The following TRABD2B variants were observed in gnomAD, a reference collection of about 807,000 sequenced individuals.
TRABD2B encodes TraB domain containing 2B.
A neutral mutation model predicts 40.1 loss-of-function variants in TRABD2B; 14 were observed. The observed-to-expected ratio is 0.35, with a 90% CI of 0.23 to 0.55. The LOEUF (loss-of-function observed/expected upper bound fraction) is 0.55. Among genes scored for constraint, TRABD2B ranks in the 20% least tolerant of loss-of-function variants. The pLI is 0.90. For synonymous variants in TRABD2B, 263 were observed against 277.0 expected, an observed-to-expected ratio of 0.95 and a Z score of 0.50; for missense variants, 541 against 648.6, an observed-to-expected ratio of 0.83 and a Z score of 1.80.
intron 2 of TRABD2B, among the ~76,000 whole-genome samples, chr1:47,808,951 T>C (rs1331200632): frequency 6.6e-6 from 1 of 152,074 alleles, no homozygotes; most frequent in Non-Finnish European, 1.5e-5. Flanking sequence ...AGCTGCCATA[T>C]GAGAATAAGA....
intron 2 of TRABD2B, among the ~76,000 whole-genome samples, chr1:47,850,623 G>A (rs552541093): frequency 3.0e-4 from 45 of 152,270 alleles, no homozygotes; most frequent in African/African-American, 9.9e-4. Flanking sequence ...CCATCTTGGT[G>A]CCCCAGTGCC....
intron 2 of TRABD2B, among the ~76,000 whole-genome samples, chr1:47,945,365 T>C (rs992518761): frequency 1.3e-5 from 2 of 152,170 alleles, no homozygotes; most frequent in African/African-American, 4.8e-5. Context: ...TTGCATGCTT[T>C]CTGCCTGTGT....
rs749722920 is a variant in TRABD2B at position 47,909,492 on chromosome 1, G to GAGAAGGAGGAGA, written c.666+84541_666+84542insTCTCCTCCTTCT. 1.7e-3 allele frequency among the ~76,000 whole-genome samples: 238 copies of GAGAAGGAGGAGA among 139,990 alleles called. 2 individuals are homozygous for GAGAAGGAGGAGA. Among genetic ancestry groups the GAGAAGGAGGAGA allele is most frequent in the South Asian group, 4.2e-3 (17 of 4,062 alleles). The allele number at this position is 139,990 out of a possible 152,430, so 91.8% of individuals were successfully genotyped here. On this transcript the variant is annotated intron_variant, in intron 2 of 6. Transcript: ENST00000606738. ...GGGGAAGGAGAAGGAGAAGGAGAAG[G>GAGAAGGAGGAGA]AGGAGAAGGAGGAGAAGGAGAAGGG...
At chr1:47,985,679 C>G (rs1024976170) in intron 2 of TRABD2B, among the ~76,000 whole-genome samples, 4 of 152,230 alleles carry the variant, frequency 2.6e-5, no homozygotes, top group Non-Finnish European at 5.9e-5. Flanking sequence ...GGCCCAAGTA[C>G]AATTTACCTA....
At chr1:47,861,988 A>C (rs1643980079) in intron 2 of TRABD2B, among the ~76,000 whole-genome samples, 1 of 152,226 alleles carries the variant, frequency 6.6e-6, no homozygotes, top group Admixed American at 6.5e-5. Flanking sequence ...TAATTCATCA[A>C]ATCAGCAGGT....
chr1:47,765,927 A>T lies in TRABD2B; in HGVS notation c.1529T>A (p.Leu510Gln). Residue 510 changes from leucine to glutamine, a missense_variant, in exon 7 of 7, where the codon CTG (leucine) becomes CAG (glutamine). This residue lies in a region of TRABD2B where 172 missense variants were observed against 155.8 expected (regional missense o/e 1.10). Transcript: ENST00000606738. ...AIATTIAVCF[L>Q]LHSLGPS Reference sequence around the variant, plus strand: ...TCAGGAGGGCCCAAGGCTATGCAGCAGGAAGCAGACAGCGATGGTGGTGGC... The same window carrying T: ...TCAGGAGGGCCCAAGGCTATGCAGCTGGAAGCAGACAGCGATGGTGGTGGC... 1 of 703,020 alleles carries T rather than the reference A, an allele frequency of 1.4e-6. No individual in the cohort carries two copies. Among genetic ancestry groups the T allele is most frequent in the East Asian group, 2.7e-5 (1 of 37,262 alleles). The allele number at this position is 703,020 out of a possible 1,614,324, so 43.5% of individuals were successfully genotyped here. A position where few individuals can be genotyped will look rare whatever the true frequency, so the allele number is the denominator to read the frequency against.
At chr1:47,896,435 A>G (rs754799190) in intron 2 of TRABD2B, among the ~76,000 whole-genome samples, 5 of 152,134 alleles carry the variant, frequency 3.3e-5, no homozygotes, top group African/African-American at 1.2e-4. Context: ...GGGCCTGGCT[A>G]TTTCCAGCCT....
chr1:47,990,775 A>ATT (rs1557699590), intron 2 of TRABD2B, among the ~76,000 whole-genome samples: 1 of 3,130 alleles, frequency 3.2e-4, no homozygotes, highest in Non-Finnish European at 6.8e-4. Flanking sequence ...TTGGTTTTAT[A>ATT]TATATATATA....
intron 2 of TRABD2B, among the ~76,000 whole-genome samples, chr1:47,833,932 C>T (rs1302265780): frequency 6.6e-6 from 1 of 152,218 alleles, no homozygotes; most frequent in East Asian, 1.9e-4. Context: ...CATTAATCAG[C>T]AAAATCTCAG....
intron 2 of TRABD2B, among the ~76,000 whole-genome samples, chr1:47,888,153 G>C (rs890702256): frequency 3.3e-5 from 5 of 152,224 alleles, no homozygotes; most frequent in African/African-American, 1.2e-4. Context: ...TGTCTTCCAG[G>C]AGCATCTGCT....
chr1:47,958,683 C>T (rs1467567399), intron 2 of TRABD2B, among the ~76,000 whole-genome samples: 1 of 152,100 alleles, frequency 6.6e-6, no homozygotes, highest in East Asian at 1.9e-4. Flanking sequence ...TATATGCACC[C>T]AATACAGGAG....
At position 47,985,002 on chromosome 1, in the gene TRABD2B, G is replaced by A. The variant is rs111690945; in HGVS notation, c.666+9032C>T. ...TGTATAACGATAATTTGAAAATGAAGTAATAACTATGAGCTAGTATGTACT... is the reference window on the plus strand; with the variant it reads ...TGTATAACGATAATTTGAAAATGAAATAATAACTATGAGCTAGTATGTACT... On this transcript the variant is annotated intron_variant, in intron 2 of 6. Coordinates refer to ENST00000606738, the MANE Select transcript of TRABD2B (RefSeq NM_001194986.2). Among the ~76,000 whole-genome samples, 249 of 152,342 alleles carry A rather than the reference G, an allele frequency of 1.6e-3. 1 individual carries two copies. The highest frequency in any genetic ancestry group is 5.7e-3 in the African/African-American group (237 of 41,578).
At position 47,975,909 on chromosome 1, in the gene TRABD2B, C is replaced by A. The variant is rs150212531; in HGVS notation, c.666+18125G>T. ...GTGACAAGAGGAAGGACAGAGGGCA[C>A]CCCAGGGTAAGCACAGAGTCCAGAA... On this transcript the variant is annotated intron_variant, in intron 2 of 6. Coordinates refer to ENST00000606738, the MANE Select transcript of TRABD2B (RefSeq NM_001194986.2). Among the ~76,000 whole-genome samples the A allele has an allele frequency of 4.5e-4, 69 of 152,222 alleles. 1 individual carries two copies. The South Asian group carries it at 0.014, about 30-fold the overall frequency.
intron 2 of TRABD2B, among the ~76,000 whole-genome samples, chr1:47,941,633 T>G (rs1234003310): frequency 1.8e-4 from 27 of 152,234 alleles, no homozygotes. Flanking sequence ...TCACCTTGCC[T>G]ACCTCTCCAG....
At chr1:47,911,555 C>T (rs1644763121) in intron 2 of TRABD2B, among the ~76,000 whole-genome samples, 1 of 152,330 alleles carries the variant, frequency 6.6e-6, no homozygotes, top group African/African-American at 2.4e-5. Context: ...GTTCTGTAAG[C>T]GACACTCACC....
rs1344764301 is a variant in TRABD2B at position 47,996,398 on chromosome 1, A to G, written c.102+290T>C. ...AAAAAATATGAGAAAGGAGAGACAA[A>G]AAGGGGCAGAGAGAGAGGAGGCGTC... On this transcript the variant is annotated intron_variant, in intron 1 of 6. Coordinates refer to ENST00000606738, the MANE Select transcript of TRABD2B (RefSeq NM_001194986.2). The surrounding 1 kb of genome is among the most constrained non-coding windows in gnomAD (Gnocchi z 4.6). Among the ~76,000 whole-genome samples the G allele has an allele frequency of 6.6e-6, 1 of 152,104 alleles. No individual in the cohort carries two copies. Among genetic ancestry groups the G allele is most frequent in the East Asian group, 1.9e-4 (1 of 5,174 alleles).
chr1:47,771,224 C>T (rs78691602), intron 6 of TRABD2B, among the ~76,000 whole-genome samples: 2,312 of 150,174 alleles, frequency 0.015, 85 homozygotes, highest in Admixed American at 0.089. Flanking sequence ...GGAGACACTG[C>T]GTCTCTTCCC....
At chr1:47,849,780 G>T (rs548617883) in intron 2 of TRABD2B, among the ~76,000 whole-genome samples, 3 of 152,342 alleles carry the variant, frequency 2.0e-5, no homozygotes, top group Non-Finnish European at 4.4e-5. Context: ...GAAGGCCAAC[G>T]TGGCTCCCGC....
rs1357308556 is a variant in TRABD2B, at chr1:47,778,544, C to A, written c.989G>T (p.Gly330Val). 1 of 1,535,896 alleles carries A rather than the reference C, an allele frequency of 6.5e-7. No individual in the cohort carries two copies. The highest frequency in any genetic ancestry group is 2.0e-5 in the Admixed American group (1 of 51,006). Residue 330 changes from glycine to valine, a missense_variant and splice_region_variant, in exon 5 of 7, where the codon GGT (glycine) becomes GTT (valine). Physicochemically the swap from Gly to Val is moderately radical, Grantham distance 109. Coordinates refer to ENST00000606738, the MANE Select transcript of TRABD2B (RefSeq NM_001194986.2). ...DKICFFAFGA[G>V]HFLGNNTVID... ...GACTGTGTTGTTCCCCAGAAAGTGA[C>A]CTGGAACACAAGTGACAAAAGGGGC...
Sources: allele counts gnomAD v4.1 joint callset (sites outside exome capture counted in the v4.1 genomes callset), GRCh38; gene constraint gnomAD v4.1.1; regional missense constraint gnomAD v4.1.1; non-coding constraint Gnocchi (gnomAD v3.1); transcripts MANE v1.5; gene names NCBI Gene and HGNC (gene_info 2026-07-23, HGNC 2026-07-21).